Variants in WSCD2 observed in about 807,000 individuals in gnomAD.
WSCD2 encodes the protein sialate:O-sulfotransferase 2.
A neutral mutation model predicts 55.7 loss-of-function variants in WSCD2; 28 were observed. That is an observed-to-expected ratio of 0.50 (90% CI 0.37 to 0.69). The LOEUF is 0.69. Among genes scored for constraint, WSCD2 ranks in the 30% least tolerant of loss-of-function variants. The pLI is 0.00. For missense variants in WSCD2, 616 were observed against 762.1 expected, an observed-to-expected ratio of 0.81 and a Z score of 2.26; for synonymous variants, 301 against 301.9, an observed-to-expected ratio of 1.00 and a Z score of 0.03.
At chr12:108,130,594 C>A (rs1227305184) in intron 1 of WSCD2, among the ~76,000 whole-genome samples, 5 of 151,830 alleles carry the variant, frequency 3.3e-5, no homozygotes, top group Non-Finnish European at 7.4e-5. Flanking sequence ...TTTCCAGCAG[C>A]CCCAGGTATC....
Position 108,220,056 on chromosome 12 carries a change from T to G in WSCD2, c.683-4683T>G, listed in dbSNP as rs181714249. 2.9e-3 allele frequency among the ~76,000 whole-genome samples: 435 copies of G among 152,312 alleles called. 2 individuals are homozygous for G. The highest frequency in any genetic ancestry group is 4.7e-3 in the Non-Finnish European group (321 of 68,026). The stretch of plus-strand genomic sequence containing the variant: ...GGGAGAGAGAAAATCAATGTCCCAC[T>G]GTTGTGAAATGCTAAAGCCAGGGGT... On this transcript the variant is annotated intron_variant, in intron 4 of 8. Transcript: ENST00000547525.
chr12:108,160,888 G>A (rs753192996), intron 1 of WSCD2, among the ~76,000 whole-genome samples: 5 of 152,206 alleles, frequency 3.3e-5, no homozygotes, highest in Non-Finnish European at 5.9e-5. Flanking sequence ...TGACATTGAC[G>A]AGCTTTGCAA....
At chr12:108,175,473 G>A (rs1880699231) in intron 1 of WSCD2, among the ~76,000 whole-genome samples, 1 of 152,214 alleles carries the variant, frequency 6.6e-6, no homozygotes, top group African/African-American at 2.4e-5. Flanking sequence ...TAGGATCCAG[G>A]CCGCTGAGGC....
At chr12:108,169,969 C>T (rs1038517823) in intron 1 of WSCD2, among the ~76,000 whole-genome samples, 7 of 152,124 alleles carry the variant, frequency 4.6e-5, no homozygotes, top group Non-Finnish European at 1.0e-4. Flanking sequence ...CACAGGGTGG[C>T]CAAGAAGCTG....
Position 108,242,646 on chromosome 12 carries a change from G to C in WSCD2, c.1345+2102G>C, listed in dbSNP as rs189898790. Reference sequence around the variant, plus strand: ...ACTTTTATTTTAAGTTCTGAGTTACGTTTGCAGGATGTGCAGTTTAGTTAC... The same window carrying C: ...ACTTTTATTTTAAGTTCTGAGTTACCTTTGCAGGATGTGCAGTTTAGTTAC... On this transcript the variant is annotated intron_variant, in intron 8 of 8. Coordinates refer to ENST00000547525, the MANE Select transcript of WSCD2 (RefSeq NM_014653.4). Among the ~76,000 whole-genome samples, 372 of 152,224 alleles carry C rather than the reference G, an allele frequency of 2.4e-3. 3 individuals carry two copies. The highest frequency in any genetic ancestry group is 8.5e-3 in the African/African-American group (355 of 41,524).
intron 1 of WSCD2, chr12:108,150,043 T>A (rs1369807499): frequency 6.6e-6 from 1 of 152,190 alleles, no homozygotes; most frequent in Non-Finnish European, 1.5e-5. Flanking sequence ...ATAATAATTA[T>A]AATCATGATG....
At chr12:108,143,495 A>G (rs1877071083) in intron 1 of WSCD2, among the ~76,000 whole-genome samples, 2 of 152,218 alleles carry the variant, frequency 1.3e-5, no homozygotes, top group Non-Finnish European at 2.9e-5. Flanking sequence ...TGGTCAGACT[A>G]AAATGACTGG....
In WSCD2 at chr12:108,250,276, CAG is replaced by C. The variant is rs1952196576; in HGVS notation, c.*1937_*1938del. ...GAGAGACAGAGAGAGAGACAAGAAACAGAGATAGACAGAAAATGTTCGGGGTG... is the reference window on the plus strand; with the variant it reads ...GAGAGACAGAGAGAGAGACAAGAAACAGATAGACAGAAAATGTTCGGGGTG... On this transcript the variant is annotated 3_prime_UTR_variant, in exon 9 of 9. Coordinates refer to ENST00000547525, the MANE Select transcript of WSCD2 (RefSeq NM_014653.4). 1 of 151,340 alleles carries C rather than the reference CAG, an allele frequency of 6.6e-6. No homozygotes were observed. Among genetic ancestry groups the C allele is most frequent in the Non-Finnish European group, 1.5e-5 (1 of 67,890 alleles). The allele number at this position is 151,340 out of a possible 1,614,324, so 9.4% of individuals were successfully genotyped here.
chr12:108,190,274 T>C (rs1188792743), intron 1 of WSCD2, among the ~76,000 whole-genome samples: 3 of 152,168 alleles, frequency 2.0e-5, no homozygotes, highest in African/African-American at 7.2e-5. Context: ...CCCAGTTTCT[T>C]GGAAACTTCC....
chr12:108,248,139 G>A lies in WSCD2; in HGVS notation c.1494G>A (p.Leu498=), dbSNP rs775527609. 9.3e-6 allele frequency: 15 copies of A among 1,614,116 alleles called. No individual in the cohort carries two copies. In the Admixed American group the frequency reaches 2.2e-4, roughly 23 times the overall value. ...AGCTGGGCCGGATGGTCAGCCTGCTGGGCGTGGCTGTCAGGGAGGACCGGC... is the reference window on the plus strand; with the variant it reads ...AGCTGGGCCGGATGGTCAGCCTGCTAGGCGTGGCTGTCAGGGAGGACCGGC... The part of the protein sequence containing the change: ...FVQLGRMVSL[L]GVAVREDRLL... The change falls in exon 9 of 9, where the codon CTG becomes CTA. Residue 498 remains leucine, a synonymous_variant. Transcript: ENST00000547525. This position sits in a 1 kb window ranked among gnomAD's most constrained non-coding sequence, Gnocchi z 4.3.
chr12:108,208,631 A>G (rs2137095155), intron 3 of WSCD2, among the ~76,000 whole-genome samples: 1 of 152,308 alleles, frequency 6.6e-6, no homozygotes, highest in East Asian at 1.9e-4. Context: ...GCAGCATGGG[A>G]GTACACAGAG....
chr12:108,200,937 A>T (rs762245762), intron 2 of WSCD2, among the ~76,000 whole-genome samples: 3 of 152,178 alleles, frequency 2.0e-5, no homozygotes, highest in Non-Finnish European at 4.4e-5. Flanking sequence ...GGTCTTCTGG[A>T]GGGACCACCT....
intron 5 of WSCD2, among the ~76,000 whole-genome samples, chr12:108,226,257 C>T (rs1395531194): frequency 6.6e-6 from 1 of 152,130 alleles, no homozygotes; most frequent in African/African-American, 2.4e-5. Flanking sequence ...AAAAGACAGA[C>T]CCTTGCCCGC....
At chr12:108,164,160 T>TTTTTTTTTTTTTTTTTTTTTG (rs1412057706) in intron 1 of WSCD2, among the ~76,000 whole-genome samples, 3 of 146,078 alleles carry the variant, frequency 2.1e-5, no homozygotes, top group East Asian at 2.0e-4. Context: ...TTTTTTTTTT[T>TTTTTTTTTTTTTTTTTTTTTG]TTCAGAGAGG....
chr12:108,248,755 C>T lies in WSCD2; in HGVS notation c.*412C>T, dbSNP rs1384725284. 2.6e-5 allele frequency: 26 copies of T among 997,614 alleles called. No individual in the cohort carries two copies. The Admixed American group carries it at 4.3e-4, about 16-fold the overall frequency. The allele number at this position is 997,614 out of a possible 1,614,324, so 61.8% of individuals were successfully genotyped here. A position where few individuals can be genotyped will look rare whatever the true frequency, so the allele number is the denominator to read the frequency against. On this transcript the variant is annotated 3_prime_UTR_variant, in exon 9 of 9. Transcript: ENST00000547525. This position sits in a 1 kb window ranked among gnomAD's most constrained non-coding sequence, Gnocchi z 4.3. ...CCAGGGGGCTATTGTAAAAACTTGGCCCCAGATGCTTGTCCCTTCTGGGCT... is the reference window on the plus strand; with the variant it reads ...CCAGGGGGCTATTGTAAAAACTTGGTCCCAGATGCTTGTCCCTTCTGGGCT...
At chr12:108,154,965 C>T (rs1423710040) in intron 1 of WSCD2, among the ~76,000 whole-genome samples, 2 of 152,144 alleles carry the variant, frequency 1.3e-5, no homozygotes, top group African/African-American at 2.4e-5. Flanking sequence ...AGAAGTACCA[C>T]GTGAGACATG....
At chr12:108,179,263 A>AG (rs199728986) in intron 1 of WSCD2, among the ~76,000 whole-genome samples, 1,258 of 105,358 alleles carry the variant, frequency 0.012, 14 homozygotes, top group Non-Finnish European at 0.019. Flanking sequence ...TCAGCGGGGG[A>AG]GGGGGGGCAG....
intron 7 of WSCD2, among the ~76,000 whole-genome samples, chr12:108,234,263 C>T (rs1889071165): frequency 6.6e-6 from 1 of 152,184 alleles, no homozygotes; most frequent in Non-Finnish European, 1.5e-5. Flanking sequence ...GGGTGCCAGG[C>T]ACTAACCAGG....
chr12:108,237,859 T>C (rs558447632), intron 7 of WSCD2, among the ~76,000 whole-genome samples: 164 of 152,326 alleles, frequency 1.1e-3, no homozygotes, highest in African/African-American at 3.6e-3. Context: ...CATGAACAAA[T>C]AGAAATATTG....
Sources: allele counts gnomAD v4.1 joint callset (sites outside exome capture counted in the v4.1 genomes callset), GRCh38; gene constraint gnomAD v4.1.1; non-coding constraint Gnocchi (gnomAD v3.1); transcripts MANE v1.5; gene names NCBI Gene and HGNC (gene_info 2026-07-23, HGNC 2026-07-21).